Variants in C1orf94 observed in about 807,000 individuals in gnomAD.
C1orf94 encodes chromosome 1 open reading frame 94, also known as uncharacterized protein C1orf94.
A neutral mutation model predicts 53.6 loss-of-function variants in C1orf94; 45 were observed. The ratio of observed to expected loss-of-function variants is 0.84; its 90% CI spans 0.66 to 1.08. The LOEUF (loss-of-function observed/expected upper bound fraction) is 1.08. C1orf94 is among the 50% of genes least tolerant of loss of function. C1orf94 has a pLI of 0.00. For synonymous variants in C1orf94, 304 were observed against 296.1 expected, an observed-to-expected ratio of 1.03 and a Z score of -0.27; for missense variants, 762 against 738.9, an observed-to-expected ratio of 1.03 and a Z score of -0.36.
At chr1:34,212,085 A>T in intron 5 of C1orf94, 125 bp from the exon 6 acceptor site, 5 of 774,200 alleles carry the variant, frequency 6.5e-6, no homozygotes, top group Non-Finnish European at 9.8e-6. Context: ...CCATTCCAAC[A>T]TGTTGCCTTC....
chr1:34,196,371 T>A (rs1179077199), intron 1 of C1orf94, among the ~76,000 whole-genome samples: 2 of 152,150 alleles, frequency 1.3e-5, no homozygotes, highest in African/African-American at 4.8e-5. Context: ...AGGAAGATCC[T>A]GGTGAATCAG....
chr1:34,196,703 G>A (rs1642590925), intron 1 of C1orf94, among the ~76,000 whole-genome samples: 1 of 152,170 alleles, frequency 6.6e-6, no homozygotes, highest in South Asian at 2.1e-4. Context: ...GGAGTTGACT[G>A]GATCAGGGTG....
At chr1:34,193,079 C>T (rs1357047296) in intron 1 of C1orf94, among the ~76,000 whole-genome samples, 1 of 152,066 alleles carries the variant, frequency 6.6e-6, no homozygotes, top group Non-Finnish European at 1.5e-5. Flanking sequence ...ATCTTGTTTT[C>T]TTGAAGTGGA....
intron 1 of C1orf94, among the ~76,000 whole-genome samples, chr1:34,191,585 T>C (rs1002662879): frequency 1.3e-5 from 2 of 152,140 alleles, no homozygotes; most frequent in African/African-American, 4.8e-5. Flanking sequence ...CAAGCCCAGG[T>C]CTGTGCCTGA....
chr1:34,208,376 G>C (rs1416471118), intron 5 of C1orf94, 142 bp downstream of exon 5: 3 of 783,712 alleles, frequency 3.8e-6, no homozygotes, highest in Non-Finnish European at 6.2e-6. Context: ...TCACATACCG[G>C]CATGCGTGTG....
intron 5 of C1orf94, among the ~76,000 whole-genome samples, chr1:34,209,665 G>C (rs1415421887): frequency 6.6e-6 from 1 of 152,134 alleles, no homozygotes; most frequent in East Asian, 1.9e-4. Context: ...GTAGGGAAGA[G>C]CCTGCAGGGG....
At chr1:34,182,349 G>T (rs921861893) in intron 1 of C1orf94, among the ~76,000 whole-genome samples, 10 of 152,220 alleles carry the variant, frequency 6.6e-5, no homozygotes, top group African/African-American at 2.2e-4. Flanking sequence ...AGGCCTGGAG[G>T]ATCACTGCGG....
intron 1 of C1orf94, among the ~76,000 whole-genome samples, chr1:34,186,555 C>A (rs778245452): frequency 3.9e-5 from 6 of 152,196 alleles, no homozygotes; most frequent in Non-Finnish European, 7.3e-5. Flanking sequence ...GAGATCATAG[C>A]ATTCGGTTTT....
intron 1 of C1orf94, among the ~76,000 whole-genome samples, chr1:34,183,022 T>C (rs764351344): frequency 7.9e-5 from 12 of 152,216 alleles, no homozygotes; most frequent in Non-Finnish European, 1.3e-4. Context: ...GTTCCATGTC[T>C]GAGTCTTGTC....
chr1:34,215,101 C>T (rs1642960154), intron 6 of C1orf94, among the ~76,000 whole-genome samples: 2 of 152,080 alleles, frequency 1.3e-5, no homozygotes, highest in African/African-American at 4.8e-5. Context: ...CATGCAAGGC[C>T]AGGTCCTCAG....
chr1:34,188,169 A>G (rs115398719), intron 1 of C1orf94, among the ~76,000 whole-genome samples: 1,627 of 152,296 alleles, frequency 0.011, 30 homozygotes, highest in African/African-American at 0.038. Flanking sequence ...AACCAGCACT[A>G]CAGGTGACTC....
At chr1:34,189,672 T>G (rs971402880) in intron 1 of C1orf94, among the ~76,000 whole-genome samples, 4 of 152,206 alleles carry the variant, frequency 2.6e-5, no homozygotes, top group Non-Finnish European at 5.9e-5. Context: ...AGCCACTGCT[T>G]ACATGATAAG....
At chr1:34,217,103 T>C (rs943721777) in intron 6 of C1orf94, among the ~76,000 whole-genome samples, 1 of 152,074 alleles carries the variant, frequency 6.6e-6, no homozygotes, top group African/African-American at 2.4e-5. Flanking sequence ...TATAAAATAA[T>C]TATACCAGAA....
chr1:34,189,344 A>AGTGT (rs142487428), intron 1 of C1orf94, among the ~76,000 whole-genome samples: 18,658 of 150,408 alleles, frequency 0.12, 1,542 homozygotes, highest in African/African-American at 0.24. Flanking sequence ...TATGTGCCCG[A>AGTGT]GTGTGTGTGT....
chr1:34,171,411 T>C (rs1463363280), intron 1 of C1orf94, among the ~76,000 whole-genome samples: 1 of 152,178 alleles, frequency 6.6e-6, no homozygotes, highest in African/African-American at 2.4e-5. Flanking sequence ...GAGTGCCTGG[T>C]ACATGGTGAA....
At position 34,218,899 on chromosome 1, in the gene C1orf94, A is replaced by G; in HGVS notation, c.*138A>G. 1 of 587,806 alleles carries G rather than the reference A, an allele frequency of 1.7e-6. No individual in the cohort carries two copies. Among genetic ancestry groups the G allele is most frequent in the South Asian group, 3.6e-5 (1 of 28,006 alleles). The allele number at this position is 587,806 out of a possible 1,614,324, so 36.4% of individuals were successfully genotyped here. On this transcript the variant is annotated 3_prime_UTR_variant, in exon 7 of 7. Transcript: ENST00000488417. ...GTCACAGACAAAACAGCAAGACCAG[A>G]TTCATCTATTGGCCAACACTGACAC...
intron 1 of C1orf94, among the ~76,000 whole-genome samples, chr1:34,192,259 C>T (rs1642506766): frequency 6.6e-6 from 1 of 152,162 alleles, no homozygotes; most frequent in Non-Finnish European, 1.5e-5. Context: ...TTTCTGTGAG[C>T]CCCAAGGTGA....
chr1:34,209,459 G>A (rs1642855609), intron 5 of C1orf94, among the ~76,000 whole-genome samples: 1 of 152,034 alleles, frequency 6.6e-6, no homozygotes, highest in South Asian at 2.1e-4. Flanking sequence ...TGTGAGGAAA[G>A]GAGCTTAGAA....
At chr1:34,169,782 T>C (rs1642115692) in intron 1 of C1orf94, among the ~76,000 whole-genome samples, 1 of 152,306 alleles carries the variant, frequency 6.6e-6, no homozygotes, top group East Asian at 1.9e-4. Context: ...ATCATGAGCA[T>C]GATCAGGCCA....
Sources: gnomAD v4.1 joint callset for allele counts (sites outside exome capture counted in the v4.1 genomes callset) on GRCh38, gnomAD v4.1.1 for gene constraint, MANE v1.5 for transcripts, NCBI Gene and HGNC (gene_info 2026-07-23, HGNC 2026-07-21) for gene names.